The following KAZN variants were observed in gnomAD, a reference collection of about 807,000 sequenced individuals.
KAZN encodes the protein kazrin.
Under a neutral mutation model 87.4 loss-of-function variants are expected in KAZN, and 40 were observed. The ratio of observed to expected loss-of-function variants is 0.46; its 90% CI spans 0.36 to 0.60. The LOEUF is 0.60. KAZN is among the 20% of genes least tolerant of loss of function. The pLI is 0.00. For missense variants in KAZN, 898 were observed against 1,073.9 expected (o/e 0.84, Z 2.29); for synonymous variants, 466 against 458.3 (o/e 1.02, Z -0.22).
intron 2 of KAZN, among the ~76,000 whole-genome samples, chr1:15,029,682 A>G (rs764670830): frequency 2.6e-5 from 4 of 152,208 alleles, no homozygotes; most frequent in Non-Finnish European, 5.9e-5. Flanking sequence ...AAGGTCTCCA[A>G]CTGCCAAGAG....
intron 2 of KAZN, among the ~76,000 whole-genome samples, chr1:14,406,044 G>C (rs985012880): frequency 1.3e-5 from 2 of 152,008 alleles, no homozygotes; most frequent in Non-Finnish European, 2.9e-5. Flanking sequence ...CACACAATAG[G>C]GTGACTATGG....
intron 1 of KAZN, among the ~76,000 whole-genome samples, chr1:14,618,353 G>A (rs1325388953): frequency 1.3e-5 from 2 of 152,208 alleles, no homozygotes; most frequent in Non-Finnish European, 2.9e-5. Context: ...TTCCCATCAG[G>A]AAGATGAGAA....
At chr1:14,895,204 A>G (rs956816995) in intron 1 of KAZN, among the ~76,000 whole-genome samples, 1 of 152,218 alleles carries the variant, frequency 6.6e-6, no homozygotes. Flanking sequence ...CCAGCCCCAG[A>G]ATCTCAGCTG....
intron 1 of KAZN, among the ~76,000 whole-genome samples, chr1:13,895,991 A>AT (rs34519972): frequency 0.67 from 100,939 of 149,990 alleles, 34,093 homozygotes; most frequent in South Asian, 0.81. Context: ...AATTTTCATA[A>AT]TTTTTTTTTT....
At chr1:13,948,889 C>G (rs182211298) in intron 1 of KAZN, among the ~76,000 whole-genome samples, 176 of 152,152 alleles carry the variant, frequency 1.2e-3, no homozygotes, top group African/African-American at 4.0e-3. Flanking sequence ...AAAATGGAGG[C>G]TTAGAGAGCT....
At chr1:14,913,511 A>G (rs1300067443) in intron 1 of KAZN, among the ~76,000 whole-genome samples, 2 of 152,258 alleles carry the variant, frequency 1.3e-5, no homozygotes, top group African/African-American at 4.8e-5. Flanking sequence ...AATTAGTCCC[A>G]TTGGGACTAG....
At chr1:14,817,873 G>A (rs1006697520) in intron 1 of KAZN, among the ~76,000 whole-genome samples, 2 of 152,130 alleles carry the variant, frequency 1.3e-5, no homozygotes, top group Admixed American at 1.3e-4. Flanking sequence ...ACAACTACTA[G>A]GGAAGATAAT....
intron 1 of KAZN, among the ~76,000 whole-genome samples, chr1:13,993,971 G>T (rs571561824): frequency 5.9e-5 from 9 of 152,302 alleles, no homozygotes; most frequent in Admixed American, 3.9e-4. Flanking sequence ...GAGTCTTTTT[G>T]TGGTGCAAAC....
intron 8 of KAZN, among the ~76,000 whole-genome samples, chr1:15,076,541 C>T (rs1557782063): frequency 6.6e-6 from 1 of 152,178 alleles, no homozygotes; most frequent in East Asian, 1.9e-4. Flanking sequence ...TCCAAGACAC[C>T]CCAGCTGCTT....
At chr1:14,913,028 G>A (rs551932323) in intron 1 of KAZN, among the ~76,000 whole-genome samples, 2 of 152,310 alleles carry the variant, frequency 1.3e-5, no homozygotes, top group Non-Finnish European at 2.9e-5. Context: ...GCAAGATGCG[G>A]AGGGGCTGGA....
chr1:14,570,092 G>A (rs767867282), intron 2 of KAZN, among the ~76,000 whole-genome samples: 1 of 151,972 alleles, frequency 6.6e-6, no homozygotes, highest in Non-Finnish European at 1.5e-5. Context: ...CAGCCTGGGT[G>A]ACAGAGCGAG....
chr1:14,853,090 G>A (rs1282762536), intron 1 of KAZN, among the ~76,000 whole-genome samples: 1 of 152,206 alleles, frequency 6.6e-6, no homozygotes, highest in Non-Finnish European at 1.5e-5. Flanking sequence ...CAAAGTCCAG[G>A]CACATTCCTC....
intron 2 of KAZN, among the ~76,000 whole-genome samples, chr1:14,305,664 TTTTG>T (rs1654870787): frequency 6.6e-6 from 1 of 151,458 alleles, no homozygotes; most frequent in Admixed American, 6.6e-5. Context: ...TCCCTTTTTT[TTTTG>T]TTTTCTTTTT....
intron 2 of KAZN, among the ~76,000 whole-genome samples, chr1:14,237,790 G>A (rs1435328421): frequency 2.6e-5 from 4 of 152,122 alleles, no homozygotes; most frequent in Non-Finnish European, 5.9e-5. Context: ...GGCAGGTCAC[G>A]GACTGTATCA....
chr1:14,054,259 C>G (rs1474197767), intron 1 of KAZN, among the ~76,000 whole-genome samples: 2 of 152,130 alleles, frequency 1.3e-5, no homozygotes, highest in Non-Finnish European at 2.9e-5. Context: ...TTATTACATA[C>G]TTACTGTTAT....
At chr1:14,129,632 T>A (rs183634767) in intron 1 of KAZN, among the ~76,000 whole-genome samples, 2 of 152,322 alleles carry the variant, frequency 1.3e-5, no homozygotes, top group East Asian at 3.9e-4. Flanking sequence ...GCTCACTCAG[T>A]GCCACTCGTC....
At chr1:14,953,484 C>T (rs1376334136) in intron 1 of KAZN, among the ~76,000 whole-genome samples, 1 of 152,230 alleles carries the variant, frequency 6.6e-6, no homozygotes, top group African/African-American at 2.4e-5. Context: ...CATTTAACTC[C>T]TCTGTGATTC....
At chr1:14,321,113 AC>A (rs1557638105) in intron 2 of KAZN, among the ~76,000 whole-genome samples, 1 of 152,214 alleles carries the variant, frequency 6.6e-6, no homozygotes, top group Non-Finnish European at 1.5e-5. Flanking sequence ...CAAAAAATGT[AC>A]CATGAAGCAC....
intron 2 of KAZN, among the ~76,000 whole-genome samples, chr1:14,486,525 A>G (rs1307693529): frequency 6.6e-6 from 1 of 152,212 alleles, no homozygotes; most frequent in Non-Finnish European, 1.5e-5. Context: ...TGTTACTCAT[A>G]CAGAAGCTAT....
Sources: allele counts gnomAD v4.1 joint callset (sites outside exome capture counted in the v4.1 genomes callset), GRCh38; gene constraint gnomAD v4.1.1; transcripts MANE v1.5; gene names NCBI Gene and HGNC (gene_info 2026-07-23, HGNC 2026-07-21).